DIAPH2: variants seen among roughly 807,000 people sequenced by gnomAD.
DIAPH2 encodes diaphanous related formin 2.
In DIAPH2, 35 loss-of-function variants were observed where a neutral mutation model predicts 92.7. The ratio of observed to expected loss-of-function variants is 0.38; its 90% CI spans 0.29 to 0.50. The LOEUF (loss-of-function observed/expected upper bound fraction) is 0.50. Among genes scored for constraint, DIAPH2 ranks in the 20% least tolerant of loss-of-function variants. DIAPH2 has a pLI of 0.94. For synonymous variants in DIAPH2, 301 were observed against 280.4 expected, an observed-to-expected ratio of 1.07 and a Z score of -0.73; for missense variants, 701 against 819.5, an observed-to-expected ratio of 0.86 and a Z score of 1.77.
chrX:96,982,660 T>G (rs2066004980), intron 17 of DIAPH2, among the ~76,000 whole-genome samples: 1 of 112,287 alleles, frequency 8.9e-6, no homozygotes, highest in Non-Finnish European at 1.9e-5. Context: ...TCTTGCAGAA[T>G]CAGATCACAT....
intron 22 of DIAPH2, among the ~76,000 whole-genome samples, chrX:97,169,863 G>C (rs2067438841): frequency 9.1e-6 from 1 of 110,341 alleles, no homozygotes; most frequent in Admixed American, 9.7e-5. Flanking sequence ...ATGAGACTCT[G>C]TCTCAAAAAA....
At chrX:97,409,548 G>A (rs1217928138) in intron 25 of DIAPH2, among the ~76,000 whole-genome samples, 2 of 111,461 alleles carry the variant, frequency 1.8e-5, no homozygotes, top group Admixed American at 1.9e-4. Context: ...CACAGAGTGC[G>A]AGCCGAAGCA....
chrX:97,211,744 A>G (rs1170529235), intron 22 of DIAPH2, among the ~76,000 whole-genome samples: 1 of 111,375 alleles, frequency 9.0e-6, no homozygotes, highest in Non-Finnish European at 1.9e-5. Flanking sequence ...GAGTCTTTAT[A>G]CAGCATATTA....
At chrX:96,829,456 TATATAA>T (rs200160174) in intron 4 of DIAPH2, among the ~76,000 whole-genome samples, 42,145 of 90,127 alleles carry the variant, frequency 0.47, 7,080 homozygotes, top group African/African-American at 0.72. Flanking sequence ...TATATATATA[TATATAA>T]AACAAGGCAA....
At chrX:97,002,792 T>A (rs578249507) in intron 17 of DIAPH2, among the ~76,000 whole-genome samples, 4 of 111,846 alleles carry the variant, frequency 3.6e-5, no homozygotes, top group African/African-American at 1.3e-4. Flanking sequence ...CTTTTTGTTA[T>A]ACACAATCTA....
chrX:97,106,756 G>A lies in DIAPH2; in HGVS notation c.2349+6961G>A, dbSNP rs1487246879. Among the ~76,000 whole-genome samples the A allele has an allele frequency of 7.2e-5, 8 of 110,430 alleles. No individual in the cohort carries two copies. In the East Asian group the frequency reaches 2.0e-3, roughly 28 times the overall value. On this transcript the variant is annotated intron_variant, in intron 20 of 26. Transcript: ENST00000324765. ...AGACCAGCCTTACCAACATGGTGAA[G>A]CCCCGTCTCTACTAAAAATACAAAA...
At chrX:97,459,391 A>G (rs1353013369) in intron 26 of DIAPH2, among the ~76,000 whole-genome samples, 1 of 112,282 alleles carries the variant, frequency 8.9e-6, no homozygotes, top group African/African-American at 3.2e-5. Context: ...CAGTATTCTC[A>G]CATGTAAAAT....
chrX:97,092,672 A>G lies in DIAPH2; in HGVS notation c.2248-7022A>G, dbSNP rs750693216. Among the ~76,000 whole-genome samples the G allele has an allele frequency of 2.7e-5, 3 of 111,800 alleles. No individual in the cohort carries two copies. In the East Asian group the frequency reaches 8.5e-4, roughly 32 times the overall value. The stretch of plus-strand genomic sequence containing the variant: ...GGCAGTTTCTATTATAAATATTTTG[A>G]ACTAATTGAAGTGATTTATTTGGTG... On this transcript the variant is annotated intron_variant, in intron 19 of 26. Transcript: ENST00000324765.
intron 4 of DIAPH2, among the ~76,000 whole-genome samples, chrX:96,785,111 A>T (rs763275942): frequency 4.5e-5 from 5 of 111,900 alleles, no homozygotes; most frequent in Non-Finnish European, 9.4e-5. Context: ...AGTTAAATGG[A>T]TTTTGGTTTT....
chrX:97,034,721 A>G lies in DIAPH2; in HGVS notation c.2051-38220A>G, dbSNP rs186950554. On this transcript the variant is annotated intron_variant, in intron 17 of 26. Coordinates refer to ENST00000324765, the MANE Select transcript of DIAPH2 (RefSeq NM_006729.5). ...CATTACAGTTGAGGAGGAATATATT[A>G]CCATTGTAACTACTGAACACTCTCT... 9.1e-4 allele frequency among the ~76,000 whole-genome samples: 101 copies of G among 111,332 alleles called. 1 individual carries two copies. The highest frequency in any genetic ancestry group is 3.1e-3 in the African/African-American group (94 of 30,706).
intron 15 of DIAPH2, among the ~76,000 whole-genome samples, chrX:96,955,784 G>T (rs1370601113): frequency 1.8e-5 from 2 of 112,822 alleles, no homozygotes; most frequent in Non-Finnish European, 3.7e-5. Context: ...ACATGCTGAT[G>T]CAAGAGGTGG....
At chrX:97,593,144 TA>T (rs1231409564) in intron 26 of DIAPH2, among the ~76,000 whole-genome samples, 2 of 111,577 alleles carry the variant, frequency 1.8e-5, no homozygotes, top group African/African-American at 3.3e-5. Flanking sequence ...AAATGTGTCC[TA>T]AAAAATACAT....
At chrX:96,850,869 C>A (rs2065002172) in intron 4 of DIAPH2, among the ~76,000 whole-genome samples, 1 of 111,797 alleles carries the variant, frequency 8.9e-6, no homozygotes, top group Non-Finnish European at 1.9e-5. Flanking sequence ...GTTTAAATAG[C>A]CATTGAAATA....
intron 17 of DIAPH2, among the ~76,000 whole-genome samples, chrX:97,053,711 C>G (rs1450471926): frequency 9.0e-6 from 1 of 111,664 alleles, no homozygotes; most frequent in Non-Finnish European, 1.9e-5. Context: ...CACAATTCTT[C>G]CCTTCTCCAT....
At chrX:96,784,459 G>A (rs1031627429) in intron 4 of DIAPH2, among the ~76,000 whole-genome samples, 2 of 111,405 alleles carry the variant, frequency 1.8e-5, no homozygotes, top group Non-Finnish European at 3.8e-5. Context: ...TTAGGAAAAG[G>A]TTCCTCTGTC....
rs778070246 is a variant in DIAPH2 at position 97,600,617 on chromosome X, A to G, written c.*1300A>G. 12 of 112,659 alleles carry G rather than the reference A, an allele frequency of 1.1e-4. No individual in the cohort carries two copies. Among genetic ancestry groups the G allele is most frequent in the African/African-American group, 1.6e-4 (5 of 30,976 alleles). 9.3% of individuals were successfully genotyped at this position (112,659 alleles called of 1,213,427 possible). A position where few individuals can be genotyped will look rare whatever the true frequency, so the allele number is the denominator to read the frequency against. On this transcript the variant is annotated 3_prime_UTR_variant, in exon 27 of 27. Coordinates refer to ENST00000324765, the MANE Select transcript of DIAPH2 (RefSeq NM_006729.5). ...AAAGTTATACTTAACTTGTCTGTCT[A>G]TTATTTTAAAATATGCATTGAAATA... is the stretch of plus-strand genomic sequence containing the variant.
chrX:96,949,010 G>C lies in DIAPH2; in HGVS notation c.1585G>C (p.Glu529Gln). The part of the protein sequence containing the change: ...QKRDEKIKEL[E>Q]AEIQQLRTQA... ...AAGAGATGAGAAAATCAAAGAACTT[G>C]AAGCAGAAATCCAGCAACTTCGAAC... Residue 529 changes from glutamate (E) to glutamine (Q), a missense_variant, in exon 15 of 27, where the codon GAA (glutamate) becomes CAA (glutamine). By Grantham distance (29) the Glu-to-Gln change is conservative. Coordinates refer to ENST00000324765, the MANE Select transcript of DIAPH2 (RefSeq NM_006729.5). The C allele has an allele frequency of 8.3e-7, 1 of 1,203,268 alleles. No individual in the cohort carries two copies. Among genetic ancestry groups the C allele is most frequent in the Non-Finnish European group, 1.1e-6 (1 of 890,705 alleles).
intron 3 of DIAPH2, among the ~76,000 whole-genome samples, chrX:96,748,306 A>G (rs1452887487): frequency 8.9e-6 from 1 of 111,788 alleles, no homozygotes; most frequent in Admixed American, 9.5e-5. Flanking sequence ...GATGAATGCA[A>G]CACCTCCCTT....
intron 23 of DIAPH2, among the ~76,000 whole-genome samples, chrX:97,265,362 A>G (rs2068327515): frequency 8.9e-6 from 1 of 112,078 alleles, no homozygotes; most frequent in East Asian, 2.8e-4. Flanking sequence ...CTGGGCCTTC[A>G]GTCTCAGAGA....
Sources: gnomAD v4.1 joint callset for allele counts (sites outside exome capture counted in the v4.1 genomes callset) on GRCh38, gnomAD v4.1.1 for gene constraint, MANE v1.5 for transcripts, NCBI Gene and HGNC (gene_info 2026-07-23, HGNC 2026-07-21) for gene names.